The following TRPC5 variants were observed in gnomAD, a reference collection of about 807,000 sequenced individuals.
TRPC5 encodes the protein short transient receptor potential channel 5.
In TRPC5, 9 loss-of-function variants were observed where a neutral mutation model predicts 56.5. The ratio of observed to expected loss-of-function variants is 0.16; its 90% confidence interval spans 0.10 to 0.28. The LOEUF is 0.28. Ranked by LOEUF, TRPC5 falls within the 10% of genes least tolerant of loss-of-function variation. The pLI is 1.00. For synonymous variants in TRPC5, 282 were observed against 278.5 expected (o/e 1.01, Z -0.13); for missense variants, 469 against 748.9 (o/e 0.63, Z 4.36).
At chrX:111,902,076 CAA>C (rs1409202717) in intron 3 of TRPC5, 1 of 1,152,488 alleles carries the variant, frequency 8.7e-7, no homozygotes, top group East Asian at 3.3e-5. Flanking sequence ...ATACTTACAC[CAA>C]GAGAGGATGA....
At chrX:112,075,640 C>T (rs779301865) in intron 1 of TRPC5, among the ~76,000 whole-genome samples, 105 of 111,432 alleles carry the variant, frequency 9.4e-4, no homozygotes, top group Non-Finnish European at 1.7e-3. Context: ...AATGTAAGCA[C>T]AAAACAAAGC....
chrX:111,779,293 T>C (rs1455676486), intron 9 of TRPC5, among the ~76,000 whole-genome samples: 3 of 111,793 alleles, frequency 2.7e-5, no homozygotes, highest in Non-Finnish European at 3.8e-5. Flanking sequence ...TAAAGGAAAA[T>C]TTTTTACCCA....
intron 7 of TRPC5, among the ~76,000 whole-genome samples, chrX:111,786,582 A>C (rs1945967642): frequency 9.0e-6 from 1 of 111,110 alleles, no homozygotes; most frequent in Non-Finnish European, 1.9e-5. Flanking sequence ...CTTAAATGTA[A>C]ATGGGCTAAA....
chrX:111,786,103 C>T (rs1316205551), intron 7 of TRPC5, among the ~76,000 whole-genome samples: 1 of 111,112 alleles, frequency 9.0e-6, no homozygotes, highest in South Asian at 3.9e-4. Context: ...AACCCCAAGA[C>T]ACATAATTTT....
chrX:111,963,012 G>A (rs189954515), intron 1 of TRPC5, among the ~76,000 whole-genome samples: 17 of 112,024 alleles, frequency 1.5e-4, no homozygotes, highest in East Asian at 8.5e-4. Flanking sequence ...TGTGCGAGCC[G>A]AAGCAGGGCG....
chrX:112,041,175 T>G (rs1484481276), intron 1 of TRPC5, among the ~76,000 whole-genome samples: 1 of 111,971 alleles, frequency 8.9e-6, no homozygotes, highest in Non-Finnish European at 1.9e-5. Context: ...GTGCTGGCAG[T>G]AGGAATTTGG....
At chrX:111,891,514 C>T (rs1469614981) in intron 3 of TRPC5, among the ~76,000 whole-genome samples, 5 of 111,358 alleles carry the variant, frequency 4.5e-5, no homozygotes. Context: ...TAGGTATAAT[C>T]CTTGCTACAC....
At position 111,921,940 on chromosome X, in the gene TRPC5, C is replaced by T. The variant is rs906920941; in HGVS notation, c.379-9128G>A. ...TAGGACAGAGCCACTCAGCTCAGAG[C>T]TCATCACATAAAACACTTGCAATGC... On this transcript the variant is annotated intron_variant, in intron 2 of 10. Transcript: ENST00000262839. Among the ~76,000 whole-genome samples, 5 of 112,157 alleles carry T rather than the reference C, an allele frequency of 4.5e-5. No individual in the cohort carries two copies. In the Admixed American group the frequency reaches 4.7e-4, roughly 11 times the overall value.
chrX:111,788,003 A>T (rs1489739139), intron 7 of TRPC5, among the ~76,000 whole-genome samples: 3 of 112,193 alleles, frequency 2.7e-5, no homozygotes, highest in South Asian at 7.4e-4. Flanking sequence ...AGCTGGTACC[A>T]TTCCTTCTGA....
At chrX:111,884,605 C>T (rs967988553) in intron 3 of TRPC5, among the ~76,000 whole-genome samples, 2 of 112,378 alleles carry the variant, frequency 1.8e-5, no homozygotes, top group Non-Finnish European at 3.8e-5. Flanking sequence ...CTAGTCATAA[C>T]CTAAGTTTAG....
intron 2 of TRPC5, chrX:111,930,901 A>G (rs1020038748): frequency 3.2e-5 from 4 of 124,447 alleles, no homozygotes; most frequent in Non-Finnish European, 6.6e-5. Context: ...TAGGGCCCCA[A>G]TCACCCTGGA....
In TRPC5 at chrX:111,921,438, C is replaced by T. The variant is rs181009820; in HGVS notation, c.379-8626G>A. On this transcript the variant is annotated intron_variant, in intron 2 of 10. Coordinates refer to ENST00000262839, the MANE Select transcript of TRPC5 (RefSeq NM_012471.3). ...TTACTTTAAATTTGTATGAAGATTA[C>T]GATTTAACATTTTTTTTTTTTGAAA... Among the ~76,000 whole-genome samples, 65 of 106,442 alleles carry T rather than the reference C, an allele frequency of 6.1e-4. 1 individual carries two copies. Among genetic ancestry groups the T allele is most frequent in the Admixed American group, 5.4e-3 (54 of 10,078 alleles). 92.4% of individuals were successfully genotyped at this position (106,442 alleles called of 115,157 possible).
chrX:111,988,361 C>T (rs1350290578), intron 1 of TRPC5, among the ~76,000 whole-genome samples: 1 of 111,327 alleles, frequency 9.0e-6, no homozygotes, highest in Non-Finnish European at 1.9e-5. Context: ...GTCCCTAGCT[C>T]TATTGATTGC....
At chrX:111,890,326 TCA>T (rs1195939228) in intron 3 of TRPC5, among the ~76,000 whole-genome samples, 1 of 112,132 alleles carries the variant, frequency 8.9e-6, no homozygotes, top group Non-Finnish European at 1.9e-5. Flanking sequence ...TAGATTTTTT[TCA>T]CAGTTTTCTT....
intron 1 of TRPC5, among the ~76,000 whole-genome samples, chrX:112,043,034 A>G (rs1929935810): frequency 8.9e-6 from 1 of 111,768 alleles, no homozygotes; most frequent in Admixed American, 9.5e-5. Flanking sequence ...ATCTGTAACC[A>G]TTCTTTTGAA....
chrX:111,894,377 CA>C lies in TRPC5; in HGVS notation c.900+17913del, dbSNP rs746147259. On this transcript the variant is annotated intron_variant, in intron 3 of 10. Transcript: ENST00000262839. ...GGTGACTTTTGATTAGTTGTGCAGA[CA>C]AAAAAAGTCCCAAGAGAGGTTAATA... is the stretch of plus-strand genomic sequence containing the variant. Among the ~76,000 whole-genome samples, 532 of 111,559 alleles carry C rather than the reference CA, an allele frequency of 4.8e-3. 1 individual carries two copies. Among genetic ancestry groups the C allele is most frequent in the Non-Finnish European group, 7.7e-3 (408 of 53,071 alleles).
intron 1 of TRPC5, among the ~76,000 whole-genome samples, chrX:112,064,565 T>C (rs752363997): frequency 3.6e-5 from 4 of 111,995 alleles, no homozygotes; most frequent in African/African-American, 1.3e-4. Context: ...CCTGGAGTCT[T>C]TGGCTCAACT....
intron 1 of TRPC5, among the ~76,000 whole-genome samples, chrX:112,076,218 G>A (rs1443363591): frequency 3.6e-5 from 4 of 111,172 alleles, no homozygotes; most frequent in African/African-American, 9.8e-5. Flanking sequence ...GAAGCTGGAG[G>A]TCTGGAACAT....
intron 3 of TRPC5, chrX:111,901,703 T>C (rs150422656): frequency 1.7e-5 from 7 of 413,192 alleles, no homozygotes; most frequent in Non-Finnish European, 2.4e-5. Context: ...CTTTACTTGA[T>C]CACCATCATA....
Sources: allele counts gnomAD v4.1 joint callset (sites outside exome capture counted in the v4.1 genomes callset), GRCh38; gene constraint gnomAD v4.1.1; transcripts MANE v1.5; gene names NCBI Gene and HGNC (gene_info 2026-07-23, HGNC 2026-07-21).